Variants in SETX observed in about 807,000 individuals in gnomAD.
SETX encodes helicase senataxin.
Under a neutral mutation model 227.2 loss-of-function variants are expected in SETX, and 90 were observed. The observed-to-expected ratio is 0.40, with a 90% CI of 0.33 to 0.47. The LOEUF is 0.47. SETX is among the 20% of genes least tolerant of loss of function. SETX has a pLI of 0.91. For missense variants in SETX, 3,052 were observed against 3,181.5 expected (o/e 0.96, Z 0.98); for synonymous variants, 1,210 against 1,113.2 (o/e 1.09, Z -1.73).
At chr9:132,300,386 G>C (rs1844919960) in intron 12 of SETX, among the ~76,000 whole-genome samples, 1 of 152,014 alleles carries the variant, frequency 6.6e-6, no homozygotes, top group South Asian at 2.1e-4. Flanking sequence ...CCATTTTATA[G>C]CAAACACAAT....
At chr9:132,318,438 C>T (rs1402782513) in intron 10 of SETX, among the ~76,000 whole-genome samples, 1 of 152,182 alleles carries the variant, frequency 6.6e-6, no homozygotes, top group Non-Finnish European at 1.5e-5. Flanking sequence ...AGACCAGGCA[C>T]ATCAGCTACA....
chr9:132,333,458 C>CACACACAT lies in SETX; in HGVS notation c.838+1149_838+1150insATGTGTGT, dbSNP rs1214935314. Among the ~76,000 whole-genome samples, 309 of 111,236 alleles carry CACACACAT rather than the reference C, an allele frequency of 2.8e-3. 18 individuals carry two copies. Among genetic ancestry groups the CACACACAT allele is most frequent in the African/African-American group, 4.4e-3 (115 of 26,120 alleles). 73.0% of individuals were successfully genotyped at this position (111,236 alleles called of 152,430 possible). On this transcript the variant is annotated intron_variant, in intron 7 of 25. Coordinates refer to ENST00000224140, the MANE Select transcript of SETX (RefSeq NM_015046.7). The stretch of plus-strand genomic sequence containing the variant: ...ACACACACACACACACACACACACA[C>CACACACAT]GCCCTATCAACAAAAGAATAACATT...
chr9:132,326,232 G>C (rs1846742968), intron 10 of SETX, 92 bp downstream of exon 10: 1 of 1,046,510 alleles, frequency 9.6e-7, no homozygotes, highest in Admixed American at 2.0e-5. Context: ...ACGCCTGGCT[G>C]ATTTTTTGAA....
chr9:132,333,994 G>A (rs930387951), intron 7 of SETX, among the ~76,000 whole-genome samples: 18 of 151,762 alleles, frequency 1.2e-4, no homozygotes, highest in Non-Finnish European at 2.5e-4. Flanking sequence ...GCAAAGGGAG[G>A]CCATGGGACA....
upstream of SETX, among the ~76,000 whole-genome samples, chr9:132,355,320 C>A (rs1848857567): frequency 6.6e-6 from 1 of 152,100 alleles, no homozygotes; most frequent in Non-Finnish European, 1.5e-5. Context: ...AGCCCTTACC[C>A]GCTGGCCATT....
In SETX at chr9:132,330,071, T is replaced by A; in HGVS notation, c.1527A>T (p.Gly509=). Residue 509 remains glycine (G), a synonymous_variant, in exon 10 of 26, where the codon GGA becomes GGT. Transcript: ENST00000224140. ...AFTRSSEKSS[G]NCSKGTAMIS... ...TCATTGCTGTTCCTTTGGAGCAATT[T>A]CCAGATGATTTCTCAGAACTCCGTG... 1 of 1,614,226 alleles carries A rather than the reference T, an allele frequency of 6.2e-7. No homozygotes were observed.
intron 9 of SETX, 107 bp downstream of exon 9, chr9:132,330,945 G>A: frequency 1.1e-6 from 1 of 873,712 alleles, no homozygotes; most frequent in Non-Finnish European, 1.9e-6. Flanking sequence ...GCAGTAGATT[G>A]AGAACAGCTA....
intron 9 of SETX, 98 bp from the exon 10 acceptor site, chr9:132,330,597 T>A: frequency 3.9e-6 from 4 of 1,035,226 alleles, no homozygotes; most frequent in Non-Finnish European, 4.4e-6. Context: ...TCAACTCTCT[T>A]ATTTTGGTTT....
At chr9:132,305,796 A>G (rs7036609) in intron 11 of SETX, among the ~76,000 whole-genome samples, 48,244 of 151,990 alleles carry the variant, frequency 0.32, 11,033 homozygotes, top group East Asian at 0.68. Context: ...AACTGAATGG[A>G]ATTTGTGATT....
intron 15 of SETX, among the ~76,000 whole-genome samples, chr9:132,290,874 C>G (rs1163371736): frequency 6.6e-6 from 1 of 152,022 alleles, no homozygotes; most frequent in South Asian, 2.1e-4. Context: ...ATATTCCCCA[C>G]TATATCACTG....
intron 10 of SETX, among the ~76,000 whole-genome samples, chr9:132,324,440 G>C (rs1846576589): frequency 6.6e-6 from 1 of 152,082 alleles, no homozygotes; most frequent in African/African-American, 2.4e-5. Context: ...TTGTCCCTTT[G>C]TACATTACAC....
chr9:132,293,419 C>T (rs962939051), intron 15 of SETX, among the ~76,000 whole-genome samples: 12 of 152,024 alleles, frequency 7.9e-5, no homozygotes, highest in Non-Finnish European at 1.5e-4. Flanking sequence ...ATCATTTGCT[C>T]TCTTATTTAT....
intron 23 of SETX, among the ~76,000 whole-genome samples, chr9:132,274,105 T>G (rs1267585158): frequency 2.0e-5 from 3 of 152,198 alleles, no homozygotes; most frequent in Non-Finnish European, 4.4e-5. Flanking sequence ...TGAAGCAATC[T>G]TGCATTCCTG....
intron 19 of SETX, 46 bp from the exon 20 acceptor site, chr9:132,281,620 A>G (rs754105935): frequency 2.2e-5 from 29 of 1,298,932 alleles, no homozygotes; most frequent in Non-Finnish European, 3.1e-5. Context: ...AATCTTTGCT[A>G]TTTATCCATA....
rs1406602772 is a variant in SETX at position 132,263,274 on chromosome 9, A to T, written c.*965T>A. The T allele has an allele frequency of 6.6e-6, 1 of 152,204 alleles. No individual in the cohort carries two copies. Among genetic ancestry groups the T allele is most frequent in the Non-Finnish European group, 1.5e-5 (1 of 68,024 alleles). The allele number at this position is 152,204 out of a possible 1,614,324, so 9.4% of individuals were successfully genotyped here. A position where few individuals can be genotyped will look rare whatever the true frequency, so the allele number is the denominator to read the frequency against. On this transcript the variant is annotated 3_prime_UTR_variant, in exon 26 of 26. Coordinates refer to ENST00000224140, the MANE Select transcript of SETX (RefSeq NM_015046.7). ...GCCTGGTGATCAGAATCCCTTGGGAAATGTTGAACACACAGCTTCCCAGGC... is the reference window on the plus strand; with the variant it reads ...GCCTGGTGATCAGAATCCCTTGGGATATGTTGAACACACAGCTTCCCAGGC...
chr9:132,283,002 A>G, intron 19 of SETX: 1 of 502,892 alleles, frequency 2.0e-6, no homozygotes, highest in Non-Finnish European at 3.6e-6. Context: ...TCTAAGCAGG[A>G]GTGAGACAGT....
chr9:132,304,184 C>A (rs1234681196), intron 11 of SETX, among the ~76,000 whole-genome samples: 1 of 152,140 alleles, frequency 6.6e-6, no homozygotes, highest in Admixed American at 6.5e-5. Context: ...TGTGAAAACA[C>A]TAATGCAGCA....
At chr9:132,314,813 CTGTT>C (rs1271482587) in intron 10 of SETX, among the ~76,000 whole-genome samples, 3 of 150,768 alleles carry the variant, frequency 2.0e-5, no homozygotes, top group Admixed American at 1.3e-4. Flanking sequence ...ACTAAATACA[CTGTT>C]TGGTTATAAT....
At chr9:132,300,429 C>T (rs1005591309) in intron 12 of SETX, among the ~76,000 whole-genome samples, 2 of 152,062 alleles carry the variant, frequency 1.3e-5, no homozygotes, top group Non-Finnish European at 2.9e-5. Flanking sequence ...AAGGATAGAA[C>T]ATTACAAAAA....
Sources: gnomAD v4.1 joint callset for allele counts (sites outside exome capture counted in the v4.1 genomes callset) on GRCh38, gnomAD v4.1.1 for gene constraint, MANE v1.5 for transcripts, NCBI Gene and HGNC (gene_info 2026-07-23, HGNC 2026-07-21) for gene names.